KSR2: variants seen among roughly 807,000 people sequenced by gnomAD.
KSR2 encodes the protein kinase suppressor of ras 2.
Under a neutral mutation model 107.8 loss-of-function variants are expected in KSR2, and 25 were observed. That is an observed-to-expected ratio of 0.23 (90% CI 0.17 to 0.32). The LOEUF (loss-of-function observed/expected upper bound fraction) is 0.32. Among genes scored for constraint, KSR2 ranks in the 10% least tolerant of loss-of-function variants. The pLI, the probability that KSR2 is intolerant of heterozygous loss-of-function variation, is 1.00. For missense variants in KSR2, 887 were observed against 1,268.9 expected (o/e 0.70, Z 4.57); for synonymous variants, 480 against 507.0 (o/e 0.95, Z 0.71).
chr12:117,582,670 T>C (rs953593571), intron 5 of KSR2, among the ~76,000 whole-genome samples: 3 of 152,216 alleles, frequency 2.0e-5, no homozygotes, highest in African/African-American at 7.2e-5. Context: ...ATGCCTTAGC[T>C]TGCTACATTC....
At chr12:117,730,658 G>A (rs1220444503) in intron 4 of KSR2, among the ~76,000 whole-genome samples, 3 of 152,192 alleles carry the variant, frequency 2.0e-5, no homozygotes, top group Non-Finnish European at 4.4e-5. Flanking sequence ...GCAGGCACGC[G>A]CCGCCACGCC....
intron 3 of KSR2, among the ~76,000 whole-genome samples, chr12:117,822,441 A>G (rs1474453331): frequency 6.6e-6 from 1 of 152,162 alleles, no homozygotes; most frequent in African/African-American, 2.4e-5. Context: ...TCAGCCTACA[A>G]AGGGGTTACG....
intron 5 of KSR2, among the ~76,000 whole-genome samples, chr12:117,587,959 T>TCA (rs1228156820): frequency 6.6e-6 from 1 of 152,128 alleles, no homozygotes. Context: ...CAATGCTCCA[T>TCA]CACCCCAACC....
Position 117,488,028 on chromosome 12 carries a change from C to G in KSR2, c.2220-2337G>C, listed in dbSNP as rs1872559580. On this transcript the variant is annotated intron_variant, in intron 14 of 19. Coordinates refer to ENST00000339824, the MANE Select transcript of KSR2 (RefSeq NM_173598.6). Reference sequence around the variant, plus strand: ...ATAATTGAATTATGGGGGCAGTTTCCCCCATACTGTTCTCCTGGTATTGAA... The same window carrying G: ...ATAATTGAATTATGGGGGCAGTTTCGCCCATACTGTTCTCCTGGTATTGAA... Among the ~76,000 whole-genome samples the G allele has an allele frequency of 2.0e-5, 3 of 152,042 alleles. No homozygotes were observed. The South Asian group carries it at 6.2e-4, about 32-fold the overall frequency.
intron 3 of KSR2, among the ~76,000 whole-genome samples, chr12:117,781,790 C>G (rs1294270545): frequency 6.6e-6 from 1 of 152,200 alleles, no homozygotes; most frequent in Non-Finnish European, 1.5e-5. Context: ...GGCACCCAGC[C>G]TGCCTCTGGA....
chr12:117,474,435 T>C (rs1261513477), intron 17 of KSR2, among the ~76,000 whole-genome samples: 1 of 151,920 alleles, frequency 6.6e-6, no homozygotes, highest in Non-Finnish European at 1.5e-5. Flanking sequence ...GGTTTTTCAG[T>C]GAGGATGCGG....
rs1213032826 is a variant in KSR2, at chr12:117,700,245, C to A, written c.987-32587G>T. On this transcript the variant is annotated intron_variant, in intron 4 of 19. Transcript: ENST00000339824. Reference sequence around the variant, plus strand: ...TGACTGTATTGTTATCCTCATTTTACAGAGGGGACACAGAATGTTTGGGAC... The same window carrying A: ...TGACTGTATTGTTATCCTCATTTTAAAGAGGGGACACAGAATGTTTGGGAC... 5.3e-5 allele frequency among the ~76,000 whole-genome samples: 8 copies of A among 152,206 alleles called. No homozygotes were observed. In the East Asian group the frequency reaches 1.4e-3, roughly 26 times the overall value.
At chr12:117,521,348 T>C (rs1874746176) in intron 14 of KSR2, among the ~76,000 whole-genome samples, 1 of 152,178 alleles carries the variant, frequency 6.6e-6, no homozygotes, top group African/African-American at 2.4e-5. Context: ...CTGCTCATTT[T>C]ACAGAAGGAG....
chr12:117,647,648 T>C (rs1271243457), intron 5 of KSR2, among the ~76,000 whole-genome samples: 1 of 152,084 alleles, frequency 6.6e-6, no homozygotes, highest in Non-Finnish European at 1.5e-5. Flanking sequence ...TTTTGTGGCA[T>C]GTTAGTGATG....
intron 1 of KSR2, among the ~76,000 whole-genome samples, chr12:117,910,565 T>C (rs1363326600): frequency 6.6e-6 from 1 of 152,222 alleles, no homozygotes; most frequent in Admixed American, 6.5e-5. Flanking sequence ...CACTATTTTT[T>C]ATTTTACCAC....
intron 6 of KSR2, among the ~76,000 whole-genome samples, chr12:117,580,867 G>C (rs921130250): frequency 1.3e-5 from 2 of 151,858 alleles, no homozygotes; most frequent in Non-Finnish European, 2.9e-5. Flanking sequence ...GGGTGTGGCC[G>C]AGCCAAGGGC....
intron 7 of KSR2, 51 bp from the exon 8 acceptor site, chr12:117,558,624 C>T (rs138488343): frequency 3.4e-5 from 49 of 1,433,868 alleles, no homozygotes; most frequent in Admixed American, 2.5e-4. Context: ...GCTGAGTGAG[C>T]GGGTAGGTGG....
intron 2 of KSR2, among the ~76,000 whole-genome samples, chr12:117,857,553 A>C (rs1893143836): frequency 6.6e-6 from 1 of 152,246 alleles, no homozygotes; most frequent in Non-Finnish European, 1.5e-5. Flanking sequence ...TCAAAAATGG[A>C]GAAACCCTTA....
At chr12:117,923,667 A>ATATGTGTG (rs1555257395) in intron 1 of KSR2, among the ~76,000 whole-genome samples, 4 of 150,860 alleles carry the variant, frequency 2.7e-5, no homozygotes, top group African/African-American at 9.7e-5. Flanking sequence ...TAAAATATAT[A>ATATGTGTG]TGTGTGTGTG....
In KSR2 at chr12:117,867,985, C is replaced by A. The variant is rs949702253; in HGVS notation, c.181-7554G>T. 2.0e-5 allele frequency among the ~76,000 whole-genome samples: 3 copies of A among 152,166 alleles called. 1 individual carries two copies. Among genetic ancestry groups the A allele is most frequent in the East Asian group, 3.8e-4 (2 of 5,204 alleles). On this transcript the variant is annotated intron_variant, in intron 1 of 19. Transcript: ENST00000339824. ...ATTCTTTCTTGGGACTTTATAAATT[C>A]TTTCTTGGGACTTTATTTATACACA...
At chr12:117,599,890 A>G (rs73211925) in intron 5 of KSR2, among the ~76,000 whole-genome samples, 18,390 of 152,208 alleles carry the variant, frequency 0.12, 1,249 homozygotes, top group Admixed American at 0.17. Context: ...GAGACGGGGA[A>G]CAAGGAAATA....
rs908405312 is a variant in KSR2, at chr12:117,747,272, G to A, written c.986+13739C>T. ...CAGCCATAAAGAAGAATGAGATCAT[G>A]TCCTTTGCAGGGACATGGATGAAGC... On this transcript the variant is annotated intron_variant, in intron 4 of 19. Coordinates refer to ENST00000339824, the MANE Select transcript of KSR2 (RefSeq NM_173598.6). Among the ~76,000 whole-genome samples the A allele has an allele frequency of 7.9e-5, 12 of 152,284 alleles. No homozygotes were observed. The East Asian group carries it at 2.3e-3, about 29-fold the overall frequency.
chr12:117,583,446 TGGATGG>T (rs1879813515), intron 5 of KSR2, among the ~76,000 whole-genome samples: 4 of 150,080 alleles, frequency 2.7e-5, no homozygotes, highest in African/African-American at 9.8e-5. Flanking sequence ...GATGGATGGA[TGGATGG>T]ATGGATGGAT....
intron 4 of KSR2, among the ~76,000 whole-genome samples, chr12:117,749,707 C>T (rs191920744): frequency 2.0e-5 from 3 of 152,106 alleles, no homozygotes; most frequent in Non-Finnish European, 4.4e-5. Context: ...CTGGGGCAAA[C>T]ACCAAAAGAT....
Sources: allele counts gnomAD v4.1 joint callset (sites outside exome capture counted in the v4.1 genomes callset), GRCh38; gene constraint gnomAD v4.1.1; transcripts MANE v1.5; gene names NCBI Gene and HGNC (gene_info 2026-07-23, HGNC 2026-07-21).